Variants in SLC6A3 observed in about 807,000 individuals in gnomAD.
SLC6A3 encodes solute carrier family 6 member 3, also known as sodium-dependent dopamine transporter.
SLC6A3 carries 19 observed loss-of-function variants against 70.4 expected under a neutral mutation model. The observed-to-expected ratio is 0.27, with a 90% CI of 0.19 to 0.40. The LOEUF is 0.40. Ranked by LOEUF, SLC6A3 falls within the 10% of genes least tolerant of loss-of-function variation. The probability of loss-of-function intolerance (pLI) is 1.00; values close to 1 mark genes in which losing one functional copy is unlikely to be tolerated. For synonymous variants in SLC6A3, 368 were observed against 356.6 expected, an observed-to-expected ratio of 1.03 and a Z score of -0.36; for missense variants, 613 against 838.5, an observed-to-expected ratio of 0.73 and a Z score of 3.32.
rs987596065 is a variant in SLC6A3 at position 1,417,595 on chromosome 5, T to C, written c.928-1394A>G. 3.9e-5 allele frequency among the ~76,000 whole-genome samples: 6 copies of C among 152,222 alleles called. 1 individual carries two copies. The highest frequency in any genetic ancestry group is 1.3e-4 in the Admixed American group (2 of 15,288). ...AAGGAAAGGTGGGTGGGTCCACGATTGGACCATTGTGGTATTTTAAAAAGT... is the reference window on the plus strand; with the variant it reads ...AAGGAAAGGTGGGTGGGTCCACGATCGGACCATTGTGGTATTTTAAAAAGT... On this transcript the variant is annotated intron_variant, in intron 6 of 14. Coordinates refer to ENST00000270349, the MANE Select transcript of SLC6A3 (RefSeq NM_001044.5).
At chr5:1,444,677 G>C (rs1043341644) in intron 1 of SLC6A3, among the ~76,000 whole-genome samples, 1 of 152,244 alleles carries the variant, frequency 6.6e-6, no homozygotes, top group Non-Finnish European at 1.5e-5. Flanking sequence ...GGGAGAGGGC[G>C]TCGGGTGCGG....
chr5:1,411,581 C>G lies in SLC6A3; in HGVS notation c.1157-226G>C, dbSNP rs1401690002. Among the ~76,000 whole-genome samples the G allele has an allele frequency of 6.6e-6, 1 of 152,252 alleles. No individual in the cohort carries two copies. The highest frequency in any genetic ancestry group is 1.5e-5 in the Non-Finnish European group (1 of 68,044). On this transcript the variant is annotated intron_variant, in intron 8 of 14. Coordinates refer to ENST00000270349, the MANE Select transcript of SLC6A3 (RefSeq NM_001044.5). This position sits in a 1 kb window ranked among gnomAD's most constrained non-coding sequence, Gnocchi z 6.5. ...AGGGCTTTGGTTCATGCCCACCACCCAGCAATGGGGCTCCTCCAAATTACC... is the reference window on the plus strand; with the variant it reads ...AGGGCTTTGGTTCATGCCCACCACCGAGCAATGGGGCTCCTCCAAATTACC...
At chr5:1,395,516 A>C (rs1462568794) in intron 14 of SLC6A3, among the ~76,000 whole-genome samples, 1 of 152,022 alleles carries the variant, frequency 6.6e-6, no homozygotes, top group Non-Finnish European at 1.5e-5. Context: ...TCCTCTGGCC[A>C]CTCCACCAAG....
chr5:1,411,210 C>T lies in SLC6A3; in HGVS notation c.1269+33G>A, dbSNP rs1027240827. 4.4e-5 allele frequency: 64 copies of T among 1,466,558 alleles called. No individual in the cohort carries two copies. The highest frequency in any genetic ancestry group is 4.9e-5 in the Non-Finnish European group (53 of 1,071,248). 90.8% of individuals were successfully genotyped at this position (1,466,558 alleles called of 1,614,324 possible). The stretch of plus-strand genomic sequence containing the variant: ...CCTCGGGTGGAAGGAACCCAACTGC[C>T]GAGGACAGGGCCGGGCGGTGCGGGT... On this transcript the variant is annotated intron_variant, in intron 9 of 14. Coordinates refer to ENST00000270349, the MANE Select transcript of SLC6A3 (RefSeq NM_001044.5). This position sits in a 1 kb window ranked among gnomAD's most constrained non-coding sequence, Gnocchi z 6.5.
At chr5:1,428,109 C>T (rs2126384972) in intron 4 of SLC6A3, among the ~76,000 whole-genome samples, 1 of 152,060 alleles carries the variant, frequency 6.6e-6, no homozygotes, top group Non-Finnish European at 1.5e-5. Context: ...ATAAACAAGT[C>T]TCAATATATT....
At chr5:1,444,380 A>G (rs2126418431) in intron 1 of SLC6A3, among the ~76,000 whole-genome samples, 1 of 151,878 alleles carries the variant, frequency 6.6e-6, no homozygotes, top group East Asian at 1.9e-4. Context: ...ACACACACAG[A>G]CTCACAAACA....
rs550489006 is a variant in SLC6A3, at chr5:1,414,876, A to G, written c.1032-61T>C. The stretch of plus-strand genomic sequence containing the variant: ...TGAGCTGCAGCAGCTGCAATTTTCC[A>G]GTCATTATTCTTAATTTACTGTGTC... On this transcript the variant is annotated intron_variant, in intron 7 of 14. Coordinates refer to ENST00000270349, the MANE Select transcript of SLC6A3 (RefSeq NM_001044.5). 5 of 1,608,740 alleles carry G rather than the reference A, an allele frequency of 3.1e-6. No individual in the cohort carries two copies. The East Asian group carries it at 6.7e-5, about 22-fold the overall frequency.
intron 7 of SLC6A3, 126 bp from the exon 8 acceptor site, chr5:1,414,941 C>G: frequency 8.1e-7 from 1 of 1,228,128 alleles, no homozygotes; most frequent in Non-Finnish European, 1.2e-6. Flanking sequence ...GGCTACTTTT[C>G]CCAGTGAGCA....
intron 4 of SLC6A3, among the ~76,000 whole-genome samples, chr5:1,426,160 A>G (rs1756571331): frequency 6.6e-6 from 1 of 152,214 alleles, no homozygotes; most frequent in South Asian, 2.1e-4. Context: ...TATCTACTCA[A>G]AAGTAGGTAC....
intron 8 of SLC6A3, 123 bp downstream of exon 8, chr5:1,414,568 A>G: frequency 9.4e-7 from 1 of 1,062,644 alleles, no homozygotes. Flanking sequence ...TGAGGCAGCA[A>G]CTCTCACTGA....
chr5:1,402,149 C>A lies in SLC6A3; in HGVS notation c.1767+773G>T, dbSNP rs1267132846. Among the ~76,000 whole-genome samples, 1 of 152,082 alleles carries A rather than the reference C, an allele frequency of 6.6e-6. No individual in the cohort carries two copies. Among genetic ancestry groups the A allele is most frequent in the Non-Finnish European group, 1.5e-5 (1 of 68,024 alleles). On this transcript the variant is annotated intron_variant, in intron 13 of 14. Transcript: ENST00000270349. This position sits in a 1 kb window ranked among gnomAD's most constrained non-coding sequence, Gnocchi z 8.5. Reference sequence around the variant, plus strand: ...GGTTTTGATGCCCAGGGCCAAGCGACTTCTTTCTGAGAAAGGCTGGGATTT... The same window carrying A: ...GGTTTTGATGCCCAGGGCCAAGCGAATTCTTTCTGAGAAAGGCTGGGATTT...
In SLC6A3 at chr5:1,409,632, G is replaced by C. The variant is rs1039036615; in HGVS notation, c.1398+89C>G. The stretch of plus-strand genomic sequence containing the variant: ...AGCTCCCTGGAAGTGCTGCGGTTCT[G>C]TCTGGCCTGACAGTCCCAGCCAGGG... On this transcript the variant is annotated intron_variant, in intron 10 of 14. Coordinates refer to ENST00000270349, the MANE Select transcript of SLC6A3 (RefSeq NM_001044.5). 1.9e-5 allele frequency: 28 copies of C among 1,508,218 alleles called. 1 individual carries two copies. The South Asian group carries it at 2.9e-4, about 16-fold the overall frequency. 93.4% of individuals were successfully genotyped at this position (1,508,218 alleles called of 1,614,324 possible). A position where few individuals can be genotyped will look rare whatever the true frequency, so the allele number is the denominator to read the frequency against.
chr5:1,409,093 A>G lies in SLC6A3; in HGVS notation c.1431T>C (p.His477=). The G allele has an allele frequency of 6.2e-7, 1 of 1,612,852 alleles. No individual in the cohort carries two copies. Among genetic ancestry groups the G allele is most frequent in the Non-Finnish European group, 8.5e-7 (1 of 1,179,742 alleles). ...GGIYVFTLLD[H]FAAGTSILFG... ...AGAGGATGGACGTGCCGGCTGCAAAATGGTCCAGGAGCGTGAAGACGTAGA... is the reference window on the plus strand; with the variant it reads ...AGAGGATGGACGTGCCGGCTGCAAAGTGGTCCAGGAGCGTGAAGACGTAGA... Residue 477 remains histidine (H), a synonymous_variant, in exon 11 of 15, where the codon CAT becomes CAC. Transcript: ENST00000270349.
At position 1,433,663 on chromosome 5, in the gene SLC6A3, C is replaced by A. The variant is rs986991890; in HGVS notation, c.419-965G>T. 1.8e-4 allele frequency among the ~76,000 whole-genome samples: 27 copies of A among 152,060 alleles called. 1 individual carries two copies. Among genetic ancestry groups the A allele is most frequent in the Admixed American group, 2.6e-4 (4 of 15,270 alleles). On this transcript the variant is annotated intron_variant, in intron 3 of 14. Coordinates refer to ENST00000270349, the MANE Select transcript of SLC6A3 (RefSeq NM_001044.5). ...TCCACCCCTGGCCATCCACAACAAT[C>A]CACTGTCATTCACAACCATCCACAG...
Position 1,411,607 on chromosome 5 carries a change from T to C in SLC6A3, c.1157-252A>G, listed in dbSNP as rs1421852516. Among the ~76,000 whole-genome samples, 2 of 152,182 alleles carry C rather than the reference T, an allele frequency of 1.3e-5. No homozygotes were observed. The highest frequency in any genetic ancestry group is 2.4e-5 in the African/African-American group (1 of 41,442). ...AGCAATGGGGCTCCTCCAAATTACC[T>C]GGGTCCTTTTGGGCTATGGGGGTGC... is the stretch of plus-strand genomic sequence containing the variant. On this transcript the variant is annotated intron_variant, in intron 8 of 14. Transcript: ENST00000270349. This position sits in a 1 kb window ranked among gnomAD's most constrained non-coding sequence, Gnocchi z 6.5.
rs1284006278 is a variant in SLC6A3 at position 1,443,112 on chromosome 5, A to T, written c.86T>A (p.Val29Glu). The change falls in exon 2 of 15, where the codon GTG becomes GAG. Residue 29 changes from valine (V) to glutamate (E), a missense_variant. By Grantham distance (121) the Val-to-Glu change is moderately radical (BLOSUM62 -2). This residue lies in a region of SLC6A3 where 111 missense variants were observed against 91.6 expected (regional missense o/e 1.21). Transcript: ENST00000270349. ...KEPNAVGPKE[V>E]ELILVKEQNG... ...CTGCTCCTTGACAAGGATGAGCTCC[A>T]CCTCCTTCGGGCCCACGGCATTGGG... The T allele has an allele frequency of 6.2e-7, 1 of 1,613,926 alleles. No homozygotes were observed. The highest frequency in any genetic ancestry group is 8.5e-7 in the Non-Finnish European group (1 of 1,180,024).
At chr5:1,403,211 C>A (rs1755893177) in intron 12 of SLC6A3, 122 bp from the exon 13 acceptor site, 3 of 1,161,638 alleles carry the variant, frequency 2.6e-6, no homozygotes, top group Non-Finnish European at 2.5e-6. Flanking sequence ...CAGGTGCAGA[C>A]CCCGGCCAGG....
At chr5:1,414,371 G>A (rs1756203308) in intron 8 of SLC6A3, among the ~76,000 whole-genome samples, 1 of 149,334 alleles carries the variant, frequency 6.7e-6, no homozygotes, top group African/African-American at 2.5e-5. Context: ...GAGGCCCCGA[G>A]AGGCACAAGG....
At position 1,406,080 on chromosome 5, in the gene SLC6A3, A is replaced by T; in HGVS notation, c.1599+108T>A. The T allele has an allele frequency of 1.2e-6, 1 of 805,232 alleles. No individual in the cohort carries two copies. The highest frequency in any genetic ancestry group is 1.4e-5 in the South Asian group (1 of 73,238). The allele number at this position is 805,232 out of a possible 1,614,324, so 49.9% of individuals were successfully genotyped here. ...TCTGGGCCGAGTCTTGAGGCCCCTGACTCCAGCCACAGTGACAACCCACAT... is the reference window on the plus strand; with the variant it reads ...TCTGGGCCGAGTCTTGAGGCCCCTGTCTCCAGCCACAGTGACAACCCACAT... On this transcript the variant is annotated intron_variant, in intron 12 of 14. Coordinates refer to ENST00000270349, the MANE Select transcript of SLC6A3 (RefSeq NM_001044.5). This position sits in a 1 kb window ranked among gnomAD's most constrained non-coding sequence, Gnocchi z 8.8.
Sources: gnomAD v4.1 joint callset for allele counts (sites outside exome capture counted in the v4.1 genomes callset) on GRCh38, gnomAD v4.1.1 for gene constraint, gnomAD v4.1.1 regional missense constraint, Gnocchi (gnomAD v3.1) non-coding constraint, MANE v1.5 for transcripts, NCBI Gene and HGNC (gene_info 2026-07-23, HGNC 2026-07-21) for gene names.